Variants in DEDD2 observed in about 807,000 individuals in gnomAD.
DEDD2 encodes death effector domain containing 2, also known as DNA-binding death effector domain-containing protein 2.
In DEDD2, 18 loss-of-function variants were observed where a neutral mutation model predicts 28.9. That is an observed-to-expected ratio of 0.62 (90% CI 0.43 to 0.92). The LOEUF is 0.92. DEDD2 is among the 40% of genes least tolerant of loss of function. The pLI, the probability that DEDD2 is intolerant of heterozygous loss-of-function variation, is 0.00. For missense variants in DEDD2, 411 were observed against 463.3 expected, an observed-to-expected ratio of 0.89 and a Z score of 1.04; for synonymous variants, 211 against 206.1, an observed-to-expected ratio of 1.02 and a Z score of -0.20.
intron 3 of DEDD2, among the ~76,000 whole-genome samples, chr19:42,211,423 G>C (rs1013036889): frequency 1.2e-4 from 17 of 140,232 alleles, no homozygotes; most frequent in African/African-American, 3.8e-4. Flanking sequence ...AAGGGAGAGA[G>C]GGACGGAGGG....
chr19:42,214,763 G>A (rs1250757458), intron 3 of DEDD2, among the ~76,000 whole-genome samples: 1 of 152,012 alleles, frequency 6.6e-6, no homozygotes, highest in Non-Finnish European at 1.5e-5. Flanking sequence ...CCCCTATCTT[G>A]AAAAAGCCAA....
chr19:42,199,741 C>T lies in DEDD2; in HGVS notation c.678G>A (p.Ala226=), dbSNP rs766779379. 3.0e-5 allele frequency: 48 copies of T among 1,613,268 alleles called. No homozygotes were observed. The highest frequency in any genetic ancestry group is 1.5e-4 in the African/African-American group (11 of 74,924). ...GVASRRPQAL[A]RQLDVFGQAT... Reference sequence around the variant, plus strand: ...CCTGCCCAAACACGTCCAGCTGCCGCGCCAGCGCCTGGGGCCGCCGGGATG... The same window carrying T: ...CCTGCCCAAACACGTCCAGCTGCCGTGCCAGCGCCTGGGGCCGCCGGGATG... The change falls in exon 5 of 5, where the codon GCG becomes GCA. Residue 226 remains alanine (A), a synonymous_variant. Coordinates refer to ENST00000596251, the MANE Select transcript of DEDD2 (RefSeq NM_133328.4). The surrounding 1 kb of genome is among the most constrained non-coding windows in gnomAD (Gnocchi z 7.4).
upstream of DEDD2, among the ~76,000 whole-genome samples, chr19:42,219,793 C>T (rs2036098292): frequency 1.3e-5 from 2 of 152,342 alleles, no homozygotes; most frequent in Admixed American, 1.3e-4. Flanking sequence ...ATTTAACAAA[C>T]TGTGAAGGAT....
chr19:42,204,006 G>A (rs912374125), intron 4 of DEDD2, among the ~76,000 whole-genome samples: 1 of 152,198 alleles, frequency 6.6e-6, no homozygotes, highest in South Asian at 2.1e-4. Flanking sequence ...CTGGGAGGGT[G>A]GGGGGCAGGT....
chr19:42,217,574 G>C (rs953399112), intron 1 of DEDD2, 58 bp downstream of exon 1: 2 of 159,012 alleles, frequency 1.3e-5, no homozygotes. Flanking sequence ...GCTCCCCAGA[G>C]CCCAGGTGGT....
intron 1 of DEDD2, 48 bp downstream of exon 1, chr19:42,217,584 T>A (rs1356166934): frequency 1.3e-5 from 2 of 157,508 alleles, no homozygotes; most frequent in Admixed American, 1.3e-4. Context: ...GCCCAGGTGG[T>A]CCTGTCTACC....
upstream of DEDD2, among the ~76,000 whole-genome samples, chr19:42,219,739 G>T (rs2036096980): frequency 6.6e-6 from 1 of 152,232 alleles, no homozygotes; most frequent in South Asian, 2.1e-4. Context: ...CCTGGTAAGT[G>T]ACTATCATTA....
At position 42,216,708 on chromosome 19, in the gene DEDD2, C is replaced by T; in HGVS notation, c.300G>A (p.Pro100=). 6.3e-7 allele frequency: 1 copy of T among 1,588,202 alleles called. No homozygotes were observed. Among genetic ancestry groups the T allele is most frequent in the South Asian group, 1.1e-5 (1 of 88,612 alleles). ...LRVLARHDLL[P]HLARKRRRPV... ...GCCGGCGCCGCTTGCGCGCCAGGTG[C>T]GGCAGCAGGTCGTGGCGGGCCAGCA... Residue 100 remains proline (P), a synonymous_variant, in exon 2 of 5, where the codon CCG becomes CCA. Coordinates refer to ENST00000596251, the MANE Select transcript of DEDD2 (RefSeq NM_133328.4).
At chr19:42,206,116 A>G (rs952942858) in intron 4 of DEDD2, among the ~76,000 whole-genome samples, 3 of 151,366 alleles carry the variant, frequency 2.0e-5, no homozygotes, top group Non-Finnish European at 2.9e-5. Context: ...GCAGGGGAGA[A>G]GCAAAGCTGA....
intron 2 of DEDD2, among the ~76,000 whole-genome samples, chr19:42,216,079 T>G (rs2035955903): frequency 6.6e-6 from 1 of 152,224 alleles, no homozygotes; most frequent in South Asian, 2.1e-4. Flanking sequence ...TTTTCTCCCC[T>G]GGGGTCTATG....
At chr19:42,207,169 G>T (rs2035568911) in intron 4 of DEDD2, among the ~76,000 whole-genome samples, 1 of 152,118 alleles carries the variant, frequency 6.6e-6, no homozygotes, top group Non-Finnish European at 1.5e-5. Context: ...TGCCGCGCAA[G>T]CCCACATAGC....
intron 3 of DEDD2, among the ~76,000 whole-genome samples, chr19:42,212,425 G>T (rs1410845303): frequency 6.6e-6 from 1 of 150,506 alleles, no homozygotes; most frequent in Non-Finnish European, 1.5e-5. Flanking sequence ...TCGTTCTGTT[G>T]CCCGGGCTGG....
Position 42,209,828 on chromosome 19 carries a change from G to C in DEDD2, c.461C>G (p.Thr154Ser). Residue 154 changes from threonine to serine, a missense_variant, in exon 4 of 5, where the codon ACC becomes AGC. Thr to Ser is a moderately conservative substitution (Grantham distance 58, BLOSUM62 1). This residue lies in a region of DEDD2 where 282 missense variants were observed against 273.4 expected (regional missense o/e 1.03). Transcript: ENST00000596251. The part of the protein sequence containing the change: ...QGQWETGSPP[T>S]KRQRRSRGRP... ...GCCCCGACTCCGCCGCTGCCGCTTGGTTGGGGGGGAGCCTGAGGGGAAAAA... is the reference window on the plus strand; with the variant it reads ...GCCCCGACTCCGCCGCTGCCGCTTGCTTGGGGGGGAGCCTGAGGGGAAAAA... The C allele has an allele frequency of 6.5e-7, 1 of 1,542,148 alleles. No individual in the cohort carries two copies. The highest frequency in any genetic ancestry group is 8.7e-7 in the Non-Finnish European group (1 of 1,145,938).
chr19:42,199,238 G>A lies in DEDD2; in HGVS notation c.*200C>T. ...CACACCTGGGGGTAGGAGGAGTCTG[G>A]GAAGGAAACTCAGCTGGAAATGGTT... On this transcript the variant is annotated 3_prime_UTR_variant, in exon 5 of 5. Coordinates refer to ENST00000596251, the MANE Select transcript of DEDD2 (RefSeq NM_133328.4). This position sits in a 1 kb window ranked among gnomAD's most constrained non-coding sequence, Gnocchi z 7.4. The A allele has an allele frequency of 6.1e-6, 5 of 824,158 alleles. No individual in the cohort carries two copies. In the South Asian group the frequency reaches 9.9e-5, roughly 16 times the overall value. The allele number at this position is 824,158 out of a possible 1,614,324, so 51.1% of individuals were successfully genotyped here.
At position 42,209,822 on chromosome 19, in the gene DEDD2, C is replaced by T. The variant is rs1193280301; in HGVS notation, c.467G>A (p.Arg156Gln). 3 of 1,550,102 alleles carry T rather than the reference C, an allele frequency of 1.9e-6. No homozygotes were observed. Among genetic ancestry groups the T allele is most frequent in the African/African-American group, 1.4e-5 (1 of 71,194 alleles). ...QWETGSPPTK[R>Q]QRRSRGRPSG... ...GGGCCGGCCCCGACTCCGCCGCTGCCGCTTGGTTGGGGGGGAGCCTGAGGG... is the reference window on the plus strand; with the variant it reads ...GGGCCGGCCCCGACTCCGCCGCTGCTGCTTGGTTGGGGGGGAGCCTGAGGG... The change falls in exon 4 of 5, where the codon CGG becomes CAG. Residue 156 changes from arginine to glutamine, a missense_variant. This residue lies in a region of DEDD2 where 282 missense variants were observed against 273.4 expected (regional missense o/e 1.03). Coordinates refer to ENST00000596251, the MANE Select transcript of DEDD2 (RefSeq NM_133328.4).
rs1313627322 is a variant in DEDD2 at position 42,201,911 on chromosome 19, G to C, written c.590-2082C>G. 4 of 398,284 alleles carry C rather than the reference G, an allele frequency of 1.0e-5. No homozygotes were observed. The East Asian group carries it at 1.4e-4, about 14-fold the overall frequency. The allele number at this position is 398,284 out of a possible 1,614,324, so 24.7% of individuals were successfully genotyped here. A position where few individuals can be genotyped will look rare whatever the true frequency, so the allele number is the denominator to read the frequency against. On this transcript the variant is annotated intron_variant, in intron 4 of 4. Transcript: ENST00000596251. ...ATGTGGGTGGGAGAGCAGGGGGCTG[G>C]GAGGAGCAGCACCTCTTCCAGGCCA...
At chr19:42,215,464 G>A (rs1158443208) in intron 2 of DEDD2, among the ~76,000 whole-genome samples, 2 of 152,170 alleles carry the variant, frequency 1.3e-5, no homozygotes, top group African/African-American at 2.4e-5. Context: ...CACGTCTACG[G>A]CAGCTCAAAC....
intron 4 of DEDD2, among the ~76,000 whole-genome samples, chr19:42,206,198 G>T (rs532635189): frequency 1.3e-5 from 2 of 148,716 alleles, no homozygotes; most frequent in Admixed American, 1.3e-4. Flanking sequence ...GGCCCTGCAG[G>T]ATCTGCCCTG....
At chr19:42,214,760 C>G (rs1599785081) in intron 3 of DEDD2, among the ~76,000 whole-genome samples, 2 of 152,176 alleles carry the variant, frequency 1.3e-5, no homozygotes, top group Middle Eastern at 3.4e-3. Flanking sequence ...AAGCCCCTAT[C>G]TTGAAAAAGC....
Sources: allele counts gnomAD v4.1 joint callset (sites outside exome capture counted in the v4.1 genomes callset), GRCh38; gene constraint gnomAD v4.1.1; regional missense constraint gnomAD v4.1.1; non-coding constraint Gnocchi (gnomAD v3.1); transcripts MANE v1.5; gene names NCBI Gene and HGNC (gene_info 2026-07-23, HGNC 2026-07-21).